The following C6orf89 variants were observed in gnomAD, a reference collection of about 807,000 sequenced individuals.
The protein encoded by C6orf89 is bombesin receptor-activated protein C6orf89.
A neutral mutation model predicts 40.7 loss-of-function variants in C6orf89; 29 were observed. The observed-to-expected ratio is 0.71, with a 90% CI of 0.53 to 0.97. C6orf89 has a LOEUF of 0.97. C6orf89 is among the 50% of genes least tolerant of loss of function. The pLI is 0.00. For synonymous variants in C6orf89, 165 were observed against 152.2 expected (o/e 1.08, Z -0.62); for missense variants, 392 against 429.1 (o/e 0.91, Z 0.76).
intron 8 of C6orf89, among the ~76,000 whole-genome samples, chr6:36,922,027 C>T (rs2150718512): frequency 6.6e-6 from 1 of 151,692 alleles, no homozygotes; most frequent in South Asian, 2.1e-4. Context: ...GACCCTGTCT[C>T]TAAAATCACT....
intron 4 of C6orf89, among the ~76,000 whole-genome samples, chr6:36,911,929 A>C (rs1762137927): frequency 1.5e-5 from 1 of 67,864 alleles, no homozygotes. Context: ...CATCACAGTG[A>C]ACCCCCCCCC....
Position 36,914,676 on chromosome 6 carries a change from C to T in C6orf89, c.678C>T (p.Phe226=), listed in dbSNP as rs776924576. 1 of 1,614,144 alleles carries T rather than the reference C, an allele frequency of 6.2e-7. No homozygotes were observed. Among genetic ancestry groups the T allele is most frequent in the Non-Finnish European group, 8.5e-7 (1 of 1,180,002 alleles). ...GGCGCTGCTTTCCTGAGCGGTGGTT[C>T]CCATTTCCTTATCCATGGTGAGTGT... ...KWWRCFPERW[F]PFPYPWRRPL... is the part of the protein sequence containing the mutation. Residue 226 remains phenylalanine (F), a synonymous_variant, in exon 6 of 9, where the codon TTC becomes TTT. Coordinates refer to ENST00000480824, the MANE Select transcript of C6orf89 (RefSeq NM_001286635.2).
At chr6:36,888,441 G>C (rs1775073194) in intron 1 of C6orf89, among the ~76,000 whole-genome samples, 1 of 152,114 alleles carries the variant, frequency 6.6e-6, no homozygotes, top group Non-Finnish European at 1.5e-5. Context: ...AGACCAGCCT[G>C]GCCAACATGG....
chr6:36,901,123 G>A (rs188905287), intron 3 of C6orf89, among the ~76,000 whole-genome samples: 11 of 151,816 alleles, frequency 7.2e-5, no homozygotes, highest in Non-Finnish European at 1.3e-4. Context: ...TGGGATTACA[G>A]GCATGAGCCA....
Position 36,923,812 on chromosome 6 carries a change from C to A in C6orf89, c.*371C>A. On this transcript the variant is annotated 3_prime_UTR_variant, in exon 9 of 9. Transcript: ENST00000480824. ...CTTCCTTCCCTGGCAGTGGAGAGGG[C>A]AGCCAACAGGTTCTAATGTCAGAGC... The A allele has an allele frequency of 2.9e-6, 1 of 344,556 alleles. No homozygotes were observed. Among genetic ancestry groups the A allele is most frequent in the South Asian group, 2.3e-5 (1 of 43,694 alleles). 21.3% of individuals were successfully genotyped at this position (344,556 alleles called of 1,614,324 possible).
chr6:36,899,388 C>G (rs771945567), intron 2 of C6orf89, 38 bp from the exon 3 acceptor site: 3 of 1,590,984 alleles, frequency 1.9e-6, no homozygotes, highest in Admixed American at 1.7e-5. Context: ...AAGAAACCAC[C>G]TTTCTTTTTA....
chr6:36,910,602 C>T (rs1762090715), intron 4 of C6orf89, among the ~76,000 whole-genome samples: 1 of 152,018 alleles, frequency 6.6e-6, no homozygotes, highest in Non-Finnish European at 1.5e-5. Context: ...ATGGCACACA[C>T]TGGTAGTCCC....
chr6:36,919,459 C>T, intron 7 of C6orf89, 119 bp from the exon 8 acceptor site: 1 of 1,257,452 alleles, frequency 8.0e-7, no homozygotes, highest in South Asian at 1.6e-5. Flanking sequence ...TCTATTTCCT[C>T]TTTGCTTATG....
chr6:36,915,843 A>G (rs1182402314), intron 6 of C6orf89, among the ~76,000 whole-genome samples: 1 of 152,216 alleles, frequency 6.6e-6, no homozygotes, highest in Non-Finnish European at 1.5e-5. Flanking sequence ...GCCCTGCGGA[A>G]GACATGGTTC....
intron 6 of C6orf89, among the ~76,000 whole-genome samples, chr6:36,915,111 T>C (rs1282229239): frequency 2.0e-5 from 3 of 151,796 alleles, no homozygotes; most frequent in Non-Finnish European, 4.4e-5. Context: ...ACTTTACAAA[T>C]CCAATGCTGG....
At chr6:36,922,126 C>T (rs529837437) in intron 8 of C6orf89, among the ~76,000 whole-genome samples, 43 of 152,194 alleles carry the variant, frequency 2.8e-4, no homozygotes, top group African/African-American at 1.0e-3. Flanking sequence ...CACCTGAGGT[C>T]AGGAGTTCGA....
intron 1 of C6orf89, chr6:36,875,097 T>C (rs934526304): frequency 2.8e-6 from 1 of 358,994 alleles, no homozygotes; most frequent in African/African-American, 2.1e-5. Context: ...TGCGCTCTGG[T>C]TGGAGTTATG....
At chr6:36,888,177 G>T (rs1583148214) in intron 1 of C6orf89, among the ~76,000 whole-genome samples, 1 of 152,198 alleles carries the variant, frequency 6.6e-6, no homozygotes, top group Admixed American at 6.5e-5. Context: ...GCTTAGAGAG[G>T]ATGAGTAGTG....
At chr6:36,896,897 G>A (rs942769247) in intron 2 of C6orf89, among the ~76,000 whole-genome samples, 54 of 152,108 alleles carry the variant, frequency 3.6e-4, no homozygotes, top group African/African-American at 1.2e-3. Context: ...GGAGGCTGAG[G>A]CAGGCGAATT....
At chr6:36,881,657 A>G (rs543654725), upstream of C6orf89, among the ~76,000 whole-genome samples, 1 of 152,326 alleles carries the variant, frequency 6.6e-6, no homozygotes, top group East Asian at 1.9e-4. Context: ...TTGGGCAGCA[A>G]GAGTGAAACT....
chr6:36,900,121 AG>A (rs1181980574), intron 3 of C6orf89, among the ~76,000 whole-genome samples: 1 of 151,860 alleles, frequency 6.6e-6, no homozygotes, highest in African/African-American at 2.4e-5. Context: ...TCCTGACCTC[AG>A]GTGATCTGCC....
At position 36,899,555 on chromosome 6, in the gene C6orf89, A is replaced by AT. The variant is rs1168681276; in HGVS notation, c.114dup (p.Ile39TyrfsTer9). The stretch of plus-strand genomic sequence containing the variant: ...GCATGTCAGAGAAGGCAATTGAAAA[A>AT]TTTATCAGACAGCTGCTGGAAAAGA... On this transcript the variant is annotated frameshift_variant, in exon 3 of 9. Coordinates refer to ENST00000480824, the MANE Select transcript of C6orf89 (RefSeq NM_001286635.2). LOFTEE classifies it high-confidence loss of function. 8 of 1,614,060 alleles carry AT rather than the reference A, an allele frequency of 5.0e-6. No homozygotes were observed. Among genetic ancestry groups the AT allele is most frequent in the Non-Finnish European group, 6.8e-6 (8 of 1,180,034 alleles).
rs1170613368 is a variant in C6orf89 at position 36,874,404 on chromosome 6, G to A, written c.-628+2437G>A. 3.9e-5 allele frequency among the ~76,000 whole-genome samples: 6 copies of A among 152,206 alleles called. No homozygotes were observed. The East Asian group carries it at 1.2e-3, about 29-fold the overall frequency. On this transcript the variant is annotated intron_variant, in intron 1 of 9. Transcript: ENST00000359359. ...TGTTTTATCTACCTCTGTATCCTCA[G>A]AACTCATATTCCATATGCCTGGCTT...
chr6:36,873,951 T>C (rs1014695433), intron 1 of C6orf89, among the ~76,000 whole-genome samples: 4 of 152,194 alleles, frequency 2.6e-5, no homozygotes, highest in Non-Finnish European at 5.9e-5. Context: ...ATCCCTTCCT[T>C]GTCCTACTTT....
Sources: allele counts gnomAD v4.1 joint callset (sites outside exome capture counted in the v4.1 genomes callset), GRCh38; gene constraint gnomAD v4.1.1; transcripts MANE v1.5; gene names NCBI Gene and HGNC (gene_info 2026-07-23, HGNC 2026-07-21).